The following SGMS1 variants were observed in gnomAD, a reference collection of about 807,000 sequenced individuals.
The protein encoded by SGMS1 is sphingomyelin synthase 1.
A neutral mutation model predicts 46.2 loss-of-function variants in SGMS1; 13 were observed. The observed-to-expected ratio is 0.28, with a 90% CI of 0.18 to 0.45. SGMS1 has a LOEUF of 0.45. Ranked by LOEUF, SGMS1 falls within the 20% of genes least tolerant of loss-of-function variation. SGMS1 has a pLI of 1.00. For synonymous variants in SGMS1, 203 were observed against 187.8 expected (o/e 1.08, Z -0.66); for missense variants, 324 against 519.9 (o/e 0.62, Z 3.66).
chr10:50,318,484 T>C (rs766388791), intron 8 of SGMS1, among the ~76,000 whole-genome samples: 1 of 152,186 alleles, frequency 6.6e-6, no homozygotes, highest in Non-Finnish European at 1.5e-5. Context: ...CCAAGTTAGG[T>C]CCATCTTTTG....
intron 3 of SGMS1, among the ~76,000 whole-genome samples, chr10:50,509,514 G>A (rs1478740353): frequency 6.6e-6 from 1 of 152,192 alleles, no homozygotes; most frequent in African/African-American, 2.4e-5. Context: ...GATCTGAAAA[G>A]TCAACTCTTC....
intron 2 of SGMS1, among the ~76,000 whole-genome samples, chr10:50,538,457 C>CAA (rs61633959): frequency 1.1e-4 from 9 of 85,662 alleles, no homozygotes; most frequent in South Asian, 4.2e-4. Context: ...GACTCCATCT[C>CAA]AAAAAAAAAA....
chr10:50,318,682 A>G (rs185017324), intron 8 of SGMS1, among the ~76,000 whole-genome samples: 200 of 152,280 alleles, frequency 1.3e-3, no homozygotes, highest in African/African-American at 3.9e-3. Context: ...TTACTCACAA[A>G]TATTATGCCC....
At chr10:50,371,576 T>C (rs1848436380) in intron 6 of SGMS1, among the ~76,000 whole-genome samples, 2 of 152,244 alleles carry the variant, frequency 1.3e-5, no homozygotes, top group African/African-American at 2.4e-5. Context: ...TTTGGACTAC[T>C]TGTAGTTCCT....
intron 6 of SGMS1, among the ~76,000 whole-genome samples, chr10:50,427,259 T>C (rs897079946): frequency 6.6e-6 from 1 of 151,658 alleles, no homozygotes; most frequent in Non-Finnish European, 1.5e-5. Context: ...ATTAGCCGGG[T>C]GTGGTGGCGG....
chr10:50,521,815 GCACAAAA>G (rs1837859304), intron 2 of SGMS1, among the ~76,000 whole-genome samples: 1 of 152,064 alleles, frequency 6.6e-6, no homozygotes, highest in African/African-American at 2.4e-5. Context: ...ACATCTAAAG[GCACAAAA>G]AGTCTATCTG....
chr10:50,582,011 G>A (rs578166442), intron 2 of SGMS1, among the ~76,000 whole-genome samples: 1 of 152,368 alleles, frequency 6.6e-6, no homozygotes, highest in East Asian at 1.9e-4. Flanking sequence ...CCGCAGGGCA[G>A]AGCCTGTCCT....
At chr10:50,508,661 T>C (rs1837728346) in intron 3 of SGMS1, among the ~76,000 whole-genome samples, 1 of 152,122 alleles carries the variant, frequency 6.6e-6, no homozygotes. Flanking sequence ...AAGAACCTCT[T>C]TGGGGCAGAC....
chr10:50,519,147 A>G, intron 3 of SGMS1, among the ~76,000 whole-genome samples: 1 of 152,260 alleles, frequency 6.6e-6, no homozygotes, highest in East Asian at 1.9e-4. Flanking sequence ...TTCAAGCTTA[A>G]AATTAAAGCT....
chr10:50,385,879 G>A (rs1025465366), intron 6 of SGMS1, among the ~76,000 whole-genome samples: 2 of 152,074 alleles, frequency 1.3e-5, no homozygotes, highest in Non-Finnish European at 2.9e-5. Context: ...TGCAAGAGCC[G>A]AACCCCTGTT....
chr10:50,526,086 C>T (rs189683742), intron 2 of SGMS1, among the ~76,000 whole-genome samples: 2 of 152,230 alleles, frequency 1.3e-5, no homozygotes, highest in African/African-American at 4.8e-5. Flanking sequence ...GTGGGATTCA[C>T]GTGTGTATTA....
At chr10:50,539,365 A>C (rs2133816110) in intron 2 of SGMS1, among the ~76,000 whole-genome samples, 1 of 152,362 alleles carries the variant, frequency 6.6e-6, no homozygotes, top group South Asian at 2.1e-4. Flanking sequence ...CCTTAGTCAC[A>C]ATCAATATCA....
At chr10:50,536,208 G>A (rs143085496) in intron 2 of SGMS1, among the ~76,000 whole-genome samples, 12 of 151,990 alleles carry the variant, frequency 7.9e-5, no homozygotes, top group Non-Finnish European at 1.3e-4. Context: ...TGGTGCACGC[G>A]TATAGTCTCA....
intron 6 of SGMS1, among the ~76,000 whole-genome samples, chr10:50,398,484 C>A (rs1013854940): frequency 3.9e-5 from 6 of 152,096 alleles, no homozygotes; most frequent in African/African-American, 9.7e-5. Flanking sequence ...AATTGCAGAA[C>A]GTTTGTAAGC....
At chr10:50,578,080 T>C (rs1275872881) in intron 2 of SGMS1, among the ~76,000 whole-genome samples, 1 of 152,186 alleles carries the variant, frequency 6.6e-6, no homozygotes, top group African/African-American at 2.4e-5. Context: ...TAATCCAAGG[T>C]CAGTTAGCCT....
At chr10:50,575,999 C>T (rs771933262) in intron 2 of SGMS1, among the ~76,000 whole-genome samples, 1 of 152,106 alleles carries the variant, frequency 6.6e-6, no homozygotes, top group Non-Finnish European at 1.5e-5. Context: ...ACTACAGCAC[C>T]AACCTCAGCG....
At chr10:50,533,260 C>A (rs1178441145) in intron 2 of SGMS1, among the ~76,000 whole-genome samples, 1 of 152,036 alleles carries the variant, frequency 6.6e-6, no homozygotes, top group Non-Finnish European at 1.5e-5. Context: ...CCAAGAAATT[C>A]TTTTATTTTA....
intron 2 of SGMS1, among the ~76,000 whole-genome samples, chr10:50,562,837 C>T (rs1838253541): frequency 6.6e-6 from 1 of 152,198 alleles, no homozygotes; most frequent in South Asian, 2.1e-4. Context: ...AGCCACCGCG[C>T]CCGGCCGTCT....
intron 2 of SGMS1, among the ~76,000 whole-genome samples, chr10:50,564,554 G>A (rs1019097289): frequency 6.6e-6 from 1 of 152,144 alleles, no homozygotes; most frequent in Non-Finnish European, 1.5e-5. Context: ...ACACCCCGTA[G>A]CAAAGTCATT....
Sources: allele counts gnomAD v4.1 joint callset (sites outside exome capture counted in the v4.1 genomes callset), GRCh38; gene constraint gnomAD v4.1.1; transcripts MANE v1.5; gene names NCBI Gene and HGNC (gene_info 2026-07-23, HGNC 2026-07-21).